CDH13: variants seen among roughly 807,000 people sequenced by gnomAD.
The protein encoded by CDH13 is cadherin-13.
Under a neutral mutation model 63.8 loss-of-function variants are expected in CDH13, and 24 were observed. The ratio of observed to expected loss-of-function variants is 0.38; its 90% confidence interval spans 0.27 to 0.53. The LOEUF (loss-of-function observed/expected upper bound fraction) is 0.53. CDH13 is among the 20% of genes least tolerant of loss of function. The probability of loss-of-function intolerance (pLI) is 0.85; values close to 1 mark genes in which losing one functional copy is unlikely to be tolerated. For synonymous variants in CDH13, 503 were observed against 355.3 expected (o/e 1.42, Z -4.67); for missense variants, 1,049 against 903.1 (o/e 1.16, Z -2.07).
chr16:82,740,038 A>T (rs2151051612), intron 1 of CDH13, among the ~76,000 whole-genome samples: 1 of 152,324 alleles, frequency 6.6e-6, no homozygotes, highest in African/African-American at 2.4e-5. Flanking sequence ...ACCTTTCTTT[A>T]TCTTAATGAG....
At chr16:82,961,681 C>A (rs1907031240) in intron 2 of CDH13, among the ~76,000 whole-genome samples, 1 of 151,922 alleles carries the variant, frequency 6.6e-6, no homozygotes, top group South Asian at 2.1e-4. Context: ...CAAAGTTACC[C>A]ATGCTATTCC....
intron 1 of CDH13, among the ~76,000 whole-genome samples, chr16:82,820,159 A>G (rs1358453781): frequency 6.6e-6 from 1 of 152,128 alleles, no homozygotes; most frequent in Non-Finnish European, 1.5e-5. Context: ...GGAATGATTA[A>G]ATATCATTGA....
intron 2 of CDH13, among the ~76,000 whole-genome samples, chr16:82,952,904 C>G (rs1423386170): frequency 1.3e-5 from 2 of 152,196 alleles, no homozygotes; most frequent in African/African-American, 2.4e-5. Flanking sequence ...AACCAGAAGA[C>G]AAGGCTGCCA....
chr16:83,081,005 C>T (rs1339767606), intron 3 of CDH13, among the ~76,000 whole-genome samples: 1 of 150,376 alleles, frequency 6.6e-6, no homozygotes, highest in East Asian at 2.0e-4. Context: ...CCTCAGCCTC[C>T]CGAGTAACTG....
At chr16:83,352,271 A>G (rs1567611197) in intron 6 of CDH13, among the ~76,000 whole-genome samples, 1 of 152,252 alleles carries the variant, frequency 6.6e-6, no homozygotes, top group Non-Finnish European at 1.5e-5. Context: ...AGGAAAATTC[A>G]CAGCTAAATG....
At chr16:82,873,512 G>A (rs749500543) in intron 2 of CDH13, among the ~76,000 whole-genome samples, 1 of 152,156 alleles carries the variant, frequency 6.6e-6, no homozygotes, top group African/African-American at 2.4e-5. Context: ...CAGGACAGTG[G>A]TGTGGGCTCC....
At chr16:83,310,552 C>T (rs547496722) in intron 5 of CDH13, among the ~76,000 whole-genome samples, 1 of 152,228 alleles carries the variant, frequency 6.6e-6, no homozygotes, top group Non-Finnish European at 1.5e-5. Flanking sequence ...ATCACCTCCT[C>T]TTCCACCAAG....
At chr16:82,697,416 CTTTTTTCTTTTTT>C (rs1464327793) in intron 1 of CDH13, among the ~76,000 whole-genome samples, 6 of 106,374 alleles carry the variant, frequency 5.6e-5, no homozygotes, top group East Asian at 3.0e-4. Context: ...CAAGGCATTT[CTTTTTTCTTTTTT>C]TTTTTTTTTT....
At chr16:83,205,971 G>C (rs941413912) in intron 4 of CDH13, among the ~76,000 whole-genome samples, 1 of 152,120 alleles carries the variant, frequency 6.6e-6, no homozygotes, top group African/African-American at 2.4e-5. Context: ...TGTCAGTGTA[G>C]GTTGGGATAT....
chr16:83,186,885 C>CT (rs1403769824), intron 4 of CDH13, among the ~76,000 whole-genome samples: 1 of 152,106 alleles, frequency 6.6e-6, no homozygotes, highest in Non-Finnish European at 1.5e-5. Flanking sequence ...CTGGGATCCC[C>CT]TGTGAAGGTG....
At chr16:82,857,484 A>G (rs12933503) in intron 1 of CDH13, among the ~76,000 whole-genome samples, 1 of 151,926 alleles carries the variant, frequency 6.6e-6, no homozygotes, top group African/African-American at 2.4e-5. Flanking sequence ...CCTTAAGACC[A>G]TTTCTTATTT....
intron 2 of CDH13, among the ~76,000 whole-genome samples, chr16:82,861,399 G>C (rs1344674390): frequency 6.6e-6 from 1 of 152,134 alleles, no homozygotes; most frequent in East Asian, 1.9e-4. Context: ...CTTTAAAGTT[G>C]TCTGAAAGTG....
chr16:83,136,849 G>A (rs181013754), intron 4 of CDH13, among the ~76,000 whole-genome samples: 3 of 152,324 alleles, frequency 2.0e-5, no homozygotes, highest in Admixed American at 6.5e-5. Flanking sequence ...GATGCTTTGG[G>A]TAGGGATGTG....
rs377438976 is a variant in CDH13, at chr16:83,523,028, C to G, written c.960+36373C>G. Among the ~76,000 whole-genome samples the G allele has an allele frequency of 2.2e-3, 332 of 152,302 alleles. 1 individual carries two copies. The highest frequency in any genetic ancestry group is 7.8e-3 in the African/African-American group (323 of 41,568). ...GCTGAATTATACTCACCCTTCAGTT[C>G]TGCTGAAATGTCACTTCTCCAAAGA... is the stretch of plus-strand genomic sequence containing the variant. On this transcript the variant is annotated intron_variant, in intron 7 of 13. Transcript: ENST00000567109.
chr16:83,358,273 C>G (rs1322198008), intron 6 of CDH13, among the ~76,000 whole-genome samples: 2 of 152,110 alleles, frequency 1.3e-5, no homozygotes, highest in East Asian at 3.9e-4. Context: ...GCCACCTCAC[C>G]TAGGAAGAGT....
chr16:82,838,289 A>T (rs1179968176), intron 1 of CDH13, among the ~76,000 whole-genome samples: 2 of 152,084 alleles, frequency 1.3e-5, no homozygotes, highest in African/African-American at 4.8e-5. Flanking sequence ...TAGAAGGAGG[A>T]TATATTTTTC....
chr16:83,631,267 CG>C (rs1393828732), intron 8 of CDH13, among the ~76,000 whole-genome samples: 5 of 152,178 alleles, frequency 3.3e-5, no homozygotes, highest in African/African-American at 1.2e-4. Context: ...TAAAACTTGC[CG>C]GAGTCTCTAG....
intron 5 of CDH13, among the ~76,000 whole-genome samples, chr16:83,269,106 G>C (rs1039656507): frequency 6.6e-6 from 1 of 152,182 alleles, no homozygotes; most frequent in Non-Finnish European, 1.5e-5. Flanking sequence ...GAACTCTCTA[G>C]AACCTCCTTT....
At chr16:82,961,108 C>T (rs1032336144) in intron 2 of CDH13, among the ~76,000 whole-genome samples, 3 of 152,184 alleles carry the variant, frequency 2.0e-5, no homozygotes. Flanking sequence ...CCCCACACCC[C>T]CTGAGCTGGC....
Sources: allele counts gnomAD v4.1 joint callset (sites outside exome capture counted in the v4.1 genomes callset), GRCh38; gene constraint gnomAD v4.1.1; transcripts MANE v1.5; gene names NCBI Gene and HGNC (gene_info 2026-07-23, HGNC 2026-07-21).